Variants in PCDHA6 observed in about 807,000 individuals in gnomAD.
The protein encoded by PCDHA6 is protocadherin alpha 6.
In PCDHA6, 55 loss-of-function variants were observed where a neutral mutation model predicts 60.3. That is an observed-to-expected ratio of 0.91 (90% CI 0.73 to 1.14). PCDHA6 has a LOEUF of 1.14. Among genes scored for constraint, PCDHA6 ranks in the 50% most tolerant of loss-of-function variants. PCDHA6 has a pLI of 0.00. For synonymous variants in PCDHA6, 652 were observed against 557.9 expected (o/e 1.17, Z -2.38); for missense variants, 1,327 against 1,256.5 (o/e 1.06, Z -0.85).
At position 141,010,031 on chromosome 5, in the gene PCDHA6, A is replaced by C; in HGVS notation, c.*94A>C. On this transcript the variant is annotated 3_prime_UTR_variant, in exon 4 of 4. Transcript: ENST00000529310. Reference sequence around the variant, plus strand: ...TTCCCTGCTCCTTTTTCCTATCTACATGAGCCCTCTTAGAGACCTCAGAAA... The same window carrying C: ...TTCCCTGCTCCTTTTTCCTATCTACCTGAGCCCTCTTAGAGACCTCAGAAA... 4 of 1,581,690 alleles carry C rather than the reference A, an allele frequency of 2.5e-6. No individual in the cohort carries two copies. Among genetic ancestry groups the C allele is most frequent in the South Asian group, 1.2e-5 (1 of 84,422 alleles).
At position 140,899,599 on chromosome 5, in the gene PCDHA6, C is replaced by T. The variant is rs535938234; in HGVS notation, c.2394+69114C>T. Among the ~76,000 whole-genome samples the T allele has an allele frequency of 8.0e-3, 1,213 of 152,222 alleles. 6 individuals carry two copies. Among genetic ancestry groups the T allele is most frequent in the African/African-American group, 0.019 (784 of 41,538 alleles). ...CGGTTTGCCAGTATTTTATTGAGGA[C>T]TTTTGCATCAATGTTCATCAAGGAT... On this transcript the variant is annotated intron_variant, in intron 1 of 3. Coordinates refer to ENST00000529310, the MANE Select transcript of PCDHA6 (RefSeq NM_018909.4).
At chr5:140,845,489 T>C (rs1779894647) in intron 1 of PCDHA6, among the ~76,000 whole-genome samples, 1 of 149,700 alleles carries the variant, frequency 6.7e-6, no homozygotes, top group Non-Finnish European at 1.5e-5. Context: ...GCTTTCACAG[T>C]GAGAAAGTCT....
At chr5:140,863,601 A>G (rs781889102) in intron 1 of PCDHA6, 1 of 355,024 alleles carries the variant, frequency 2.8e-6, no homozygotes, top group Non-Finnish European at 5.6e-6. Flanking sequence ...TTTCATTCCT[A>G]TTAATGTCCC....
intron 1 of PCDHA6, chr5:140,967,043 G>A: frequency 6.2e-7 from 1 of 1,612,108 alleles, no homozygotes; most frequent in Non-Finnish European, 8.5e-7. Context: ...CCTGGAGCTG[G>A]ACCTGACGAG....
At chr5:140,956,156 T>C (rs1467785699) in intron 1 of PCDHA6, among the ~76,000 whole-genome samples, 1 of 152,204 alleles carries the variant, frequency 6.6e-6, no homozygotes, top group Non-Finnish European at 1.5e-5. Flanking sequence ...TCTTTCCTAA[T>C]TGCCATAGCC....
chr5:140,884,484 T>C, intron 1 of PCDHA6: 2 of 1,613,922 alleles, frequency 1.2e-6, no homozygotes, highest in Non-Finnish European at 1.7e-6. Context: ...AAGCCCACTC[T>C]AGTGTGCTCC....
chr5:141,010,016 CT>C lies in PCDHA6; in HGVS notation c.*84del. 1 of 1,572,200 alleles carries C rather than the reference CT, an allele frequency of 6.4e-7. No homozygotes were observed. The highest frequency in any genetic ancestry group is 8.6e-7 in the Non-Finnish European group (1 of 1,163,240). On this transcript the variant is annotated 3_prime_UTR_variant, in exon 4 of 4. Transcript: ENST00000529310. Reference sequence around the variant, plus strand: ...TCTCCCATGTAGCAATTCCCTGCTCCTTTTTCCTATCTACATGAGCCCTCTT... The same window carrying C: ...TCTCCCATGTAGCAATTCCCTGCTCCTTTTCCTATCTACATGAGCCCTCTT...
chr5:140,923,566 C>T lies in PCDHA6; in HGVS notation c.2395-55383C>T, dbSNP rs149499154. ...AAATGAAATATCAGCAATGAAAGGT[C>T]CTGCTAAAGAGAAGGTTTGTTAATT... On this transcript the variant is annotated intron_variant, in intron 1 of 3. Coordinates refer to ENST00000529310, the MANE Select transcript of PCDHA6 (RefSeq NM_018909.4). 8.1e-3 allele frequency among the ~76,000 whole-genome samples: 1,228 copies of T among 152,208 alleles called. 6 individuals carry two copies. The highest frequency in any genetic ancestry group is 0.019 in the African/African-American group (794 of 41,538).
rs1554213921 is a variant in PCDHA6 at position 140,941,202 on chromosome 5, C to CTTTCTTTCTTTCTTT, written c.2395-37747_2395-37746insTTTCTTTCTTTCTTT. Among the ~76,000 whole-genome samples the CTTTCTTTCTTTCTTT allele has an allele frequency of 5.9e-3, 725 of 122,798 alleles. 27 individuals are homozygous for CTTTCTTTCTTTCTTT. The highest frequency in any genetic ancestry group is 0.024 in the East Asian group (107 of 4,522). The allele number at this position is 122,798 out of a possible 152,430, so 80.6% of individuals were successfully genotyped here. ...TCCTGCTTCTTTTTTTTTCTTTCTTCCTTTCTTTCTTCCTTTCTTTCTTTC... is the reference window on the plus strand; with the variant it reads ...TCCTGCTTCTTTTTTTTTCTTTCTTCTTTCTTTCTTTCTTTCTTTCTTTCTTCCTTTCTTTCTTTC... On this transcript the variant is annotated intron_variant, in intron 1 of 3. Coordinates refer to ENST00000529310, the MANE Select transcript of PCDHA6 (RefSeq NM_018909.4).
At chr5:140,943,796 C>T (rs2093568961) in intron 1 of PCDHA6, among the ~76,000 whole-genome samples, 1 of 152,032 alleles carries the variant, frequency 6.6e-6, no homozygotes, top group Non-Finnish European at 1.5e-5. Flanking sequence ...TTATGCAAAG[C>T]AAAAGAGGAA....
At chr5:140,851,067 G>T in intron 1 of PCDHA6, 7 of 1,367,668 alleles carry the variant, frequency 5.1e-6, no homozygotes, top group Non-Finnish European at 6.7e-6. Context: ...CTTCTAGTGA[G>T]AATTATAAAC....
chr5:140,906,720 G>A (rs2072884338), intron 1 of PCDHA6, among the ~76,000 whole-genome samples: 1 of 152,182 alleles, frequency 6.6e-6, no homozygotes, highest in African/African-American at 2.4e-5. Context: ...CCTGGATTGT[G>A]CTGTTGTAGT....
intron 3 of PCDHA6, among the ~76,000 whole-genome samples, chr5:141,005,884 T>G (rs1554260408): frequency 6.6e-6 from 1 of 151,862 alleles, no homozygotes; most frequent in Non-Finnish European, 1.5e-5. Flanking sequence ...GAGTTTGAGG[T>G]TACATCAAGC....
intron 1 of PCDHA6, chr5:140,842,520 C>T (rs2150337946): frequency 6.2e-7 from 1 of 1,613,528 alleles, no homozygotes; most frequent in East Asian, 2.2e-5. Context: ...CTGGTGTCCA[C>T]CTTCAAGAAT....
intron 1 of PCDHA6, chr5:140,883,386 G>C (rs1554177993): frequency 6.2e-7 from 1 of 1,614,138 alleles, no homozygotes; most frequent in South Asian, 1.1e-5. Context: ...GCCCTAATCA[G>C]TGTGTCCGAT....
intron 1 of PCDHA6, chr5:140,883,984 C>G: frequency 6.2e-7 from 1 of 1,612,820 alleles, no homozygotes; most frequent in East Asian, 2.2e-5. Flanking sequence ...GGGCTGGCAG[C>G]GCGGGAGGCA....
intron 1 of PCDHA6, chr5:140,930,064 C>G (rs2153602971): frequency 6.6e-6 from 1 of 152,306 alleles, no homozygotes; most frequent in Non-Finnish European, 1.5e-5. Context: ...TACACAAAAA[C>G]TGTAAGCCTC....
Position 140,828,658 on chromosome 5 carries a change from T to C in PCDHA6, c.567T>C (p.Asn189=), listed in dbSNP as rs2150157728. The C allele has an allele frequency of 6.8e-6, 11 of 1,613,998 alleles. No homozygotes were observed. The highest frequency in any genetic ancestry group is 3.4e-6 in the Non-Finnish European group (4 of 1,180,030). The change falls in exon 1 of 4, where the codon AAT becomes AAC. Residue 189 remains asparagine (N), a synonymous_variant. Coordinates refer to ENST00000529310, the MANE Select transcript of PCDHA6 (RefSeq NM_018909.4). ...GLDVKINSDD[N]KQIGLLLKKS... The stretch of plus-strand genomic sequence containing the variant: ...ATGTGAAAATAAACAGTGATGACAA[T>C]AAACAAATTGGGCTCTTATTAAAGA...
intron 3 of PCDHA6, among the ~76,000 whole-genome samples, chr5:141,004,826 G>A (rs2098183640): frequency 6.6e-6 from 1 of 152,112 alleles, no homozygotes; most frequent in East Asian, 1.9e-4. Flanking sequence ...GATTAACTTA[G>A]ATAGATCAAA....
Sources: gnomAD v4.1 joint callset for allele counts (sites outside exome capture counted in the v4.1 genomes callset) on GRCh38, gnomAD v4.1.1 for gene constraint, MANE v1.5 for transcripts, NCBI Gene and HGNC (gene_info 2026-07-23, HGNC 2026-07-21) for gene names.